CSMD2: variants seen among roughly 807,000 people sequenced by gnomAD.
CSMD2 encodes the protein CUB and sushi domain-containing protein 2.
In CSMD2, 130 loss-of-function variants were observed where a neutral mutation model predicts 398.5. That is an observed-to-expected ratio of 0.33 (90% confidence interval 0.28 to 0.38). The LOEUF is 0.38. Ranked by LOEUF, CSMD2 falls within the 10% of genes least tolerant of loss-of-function variation. The probability of loss-of-function intolerance (pLI) is 1.00; values close to 1 mark genes in which losing one functional copy is unlikely to be tolerated. For synonymous variants in CSMD2, 1,828 were observed against 1,908.5 expected (o/e 0.96, Z 1.10); for missense variants, 3,829 against 4,764.9 (o/e 0.80, Z 5.78).
intron 2 of CSMD2, among the ~76,000 whole-genome samples, chr1:34,061,044 G>A (rs920692138): frequency 4.6e-5 from 7 of 152,110 alleles, no homozygotes; most frequent in African/African-American, 9.7e-5. Context: ...AGGGAAGCTC[G>A]CACTTCCCAA....
chr1:33,984,305 T>C (rs1646274224), intron 3 of CSMD2, among the ~76,000 whole-genome samples: 1 of 152,156 alleles, frequency 6.6e-6, no homozygotes, highest in Non-Finnish European at 1.5e-5. Flanking sequence ...TCTTCAACAG[T>C]GTAGAGATCA....
intron 3 of CSMD2, among the ~76,000 whole-genome samples, chr1:33,959,263 T>G (rs1242891161): frequency 6.6e-6 from 1 of 152,180 alleles, no homozygotes; most frequent in Non-Finnish European, 1.5e-5. Flanking sequence ...TAATTGCCAA[T>G]GTGAGAAAAC....
chr1:33,712,336 C>T (rs562772724), intron 21 of CSMD2, among the ~76,000 whole-genome samples: 6 of 152,106 alleles, frequency 3.9e-5, no homozygotes, highest in South Asian at 2.1e-4. Context: ...CCGCCACCCA[C>T]GTCACACCAT....
At chr1:33,838,200 G>A (rs1660505127) in intron 6 of CSMD2, among the ~76,000 whole-genome samples, 1 of 152,128 alleles carries the variant, frequency 6.6e-6, no homozygotes, top group Non-Finnish European at 1.5e-5. Context: ...AGTCTTGCTG[G>A]CTGAACCATC....
At chr1:33,672,889 G>A (rs1297565706) in intron 25 of CSMD2, among the ~76,000 whole-genome samples, 2 of 152,226 alleles carry the variant, frequency 1.3e-5, no homozygotes, top group East Asian at 3.9e-4. Flanking sequence ...CAACAGACCT[G>A]CAGCTGAGGG....
chr1:34,019,777 G>A (rs1288633265), intron 3 of CSMD2, among the ~76,000 whole-genome samples: 1 of 152,120 alleles, frequency 6.6e-6, no homozygotes, highest in Non-Finnish European at 1.5e-5. Flanking sequence ...TGGCCTCCTA[G>A]GTCCTACATG....
At chr1:33,686,817 A>G (rs1253137080) in intron 25 of CSMD2, among the ~76,000 whole-genome samples, 1 of 152,088 alleles carries the variant, frequency 6.6e-6, no homozygotes, top group Non-Finnish European at 1.5e-5. Context: ...CCTAGCACAC[A>G]TGCTCCCACC....
At position 34,164,960 on chromosome 1, in the gene CSMD2, A is replaced by AGGCGGCGGCGTT. The variant is rs1242607598; in HGVS notation, c.126_137dup (p.Thr43_Pro46dup). The AGGCGGCGGCGTT allele has an allele frequency of 1.6e-6, 2 of 1,219,832 alleles. No homozygotes were observed. Among genetic ancestry groups the AGGCGGCGGCGTT allele is most frequent in the Non-Finnish European group, 2.0e-6 (2 of 980,580 alleles). The allele number at this position is 1,219,832 out of a possible 1,614,324, so 75.6% of individuals were successfully genotyped here. A position where few individuals can be genotyped will look rare whatever the true frequency, so the allele number is the denominator to read the frequency against. On this transcript the variant is annotated inframe_insertion, in exon 1 of 71. Coordinates refer to ENST00000373381, the MANE Select transcript of CSMD2 (RefSeq NM_001281956.2). The surrounding 1 kb of genome is among the most constrained non-coding windows in gnomAD (Gnocchi z 6.2). ...ACCCACAGCCCAGCAACAGCAGCAG[A>AGGCGGCGGCGTT]GGCGGCGGCGTTGGCGGCGGCGGGC...
intron 13 of CSMD2, among the ~76,000 whole-genome samples, chr1:33,751,465 C>T (rs535315128): frequency 3.2e-4 from 49 of 152,140 alleles, no homozygotes; most frequent in African/African-American, 1.0e-3. Flanking sequence ...ATTTCAGAGA[C>T]GTGGTGGACT....
intron 29 of CSMD2, among the ~76,000 whole-genome samples, chr1:33,645,384 CACACACACATAT>C (rs967887568): frequency 2.1e-5 from 3 of 146,078 alleles, no homozygotes; most frequent in East Asian, 2.0e-4. Flanking sequence ...CACACACACA[CACACACACATAT>C]ATAAAATATG....
chr1:33,536,952 G>T, intron 62 of CSMD2, 70 bp downstream of exon 62: 1 of 1,465,352 alleles, frequency 6.8e-7, no homozygotes, highest in Non-Finnish European at 9.6e-7. Context: ...AGGTCTCTGG[G>T]TCCTCTTATG....
At chr1:33,737,770 G>A (rs1157879515) in intron 15 of CSMD2, among the ~76,000 whole-genome samples, 1 of 152,144 alleles carries the variant, frequency 6.6e-6, no homozygotes, top group East Asian at 1.9e-4. Flanking sequence ...CATCTACCAA[G>A]TATCAAACAA....
At chr1:33,892,338 T>C (rs187155340) in intron 5 of CSMD2, among the ~76,000 whole-genome samples, 38 of 152,336 alleles carry the variant, frequency 2.5e-4, no homozygotes, top group Admixed American at 4.6e-4. Context: ...TTCATTTCAA[T>C]AGTTTTTGGG....
intron 5 of CSMD2, among the ~76,000 whole-genome samples, chr1:33,861,953 G>C (rs2125115710): frequency 6.6e-6 from 1 of 152,104 alleles, no homozygotes; most frequent in East Asian, 1.9e-4. Flanking sequence ...ATCTCCTGAG[G>C]GCCCCATTGA....
In CSMD2 at chr1:33,711,721, T is replaced by G. The variant is rs532459734; in HGVS notation, c.3407-2463A>C. ...GGCTTCCCTTAAACATGGGCTTGGG[T>G]GTGTTTTTGGACCTCCTTCCTGGCC... is the stretch of plus-strand genomic sequence containing the variant. On this transcript the variant is annotated intron_variant, in intron 21 of 70. Transcript: ENST00000373381. 3.9e-5 allele frequency among the ~76,000 whole-genome samples: 6 copies of G among 152,206 alleles called. No individual in the cohort carries two copies. The South Asian group carries it at 1.2e-3, about 32-fold the overall frequency.
At chr1:34,053,945 C>T (rs915182294) in intron 2 of CSMD2, among the ~76,000 whole-genome samples, 13 of 152,148 alleles carry the variant, frequency 8.5e-5, no homozygotes, top group African/African-American at 3.1e-4. Flanking sequence ...AAATCCTTAG[C>T]CCTGCCCAGC....
At chr1:34,009,337 G>T (rs1647167952) in intron 3 of CSMD2, among the ~76,000 whole-genome samples, 1 of 147,266 alleles carries the variant, frequency 6.8e-6, no homozygotes, top group African/African-American at 2.5e-5. Flanking sequence ...TCAGCCCCCT[G>T]AATTGAGGGT....
At chr1:33,931,026 T>G (rs1372096994) in intron 4 of CSMD2, among the ~76,000 whole-genome samples, 1 of 152,272 alleles carries the variant, frequency 6.6e-6, no homozygotes, top group Non-Finnish European at 1.5e-5. Context: ...CGGGAAGCTT[T>G]GGACTTAAAG....
At chr1:33,788,930 G>C (rs1352248027) in intron 11 of CSMD2, among the ~76,000 whole-genome samples, 1 of 152,132 alleles carries the variant, frequency 6.6e-6, no homozygotes, top group African/African-American at 2.4e-5. Context: ...AGAATCTCAT[G>C]GGTTGAATCA....
Sources: allele counts gnomAD v4.1 joint callset (sites outside exome capture counted in the v4.1 genomes callset), GRCh38; gene constraint gnomAD v4.1.1; non-coding constraint Gnocchi (gnomAD v3.1); transcripts MANE v1.5; gene names NCBI Gene and HGNC (gene_info 2026-07-23, HGNC 2026-07-21).